Variants in AUTS2 observed in about 807,000 individuals in gnomAD.
The protein encoded by AUTS2 is activator of transcription and developmental regulator AUTS2.
A neutral mutation model predicts 112.4 loss-of-function variants in AUTS2; 17 were observed. The ratio of observed to expected loss-of-function variants is 0.15; its 90% CI spans 0.10 to 0.23. The LOEUF is 0.23. Among genes scored for constraint, AUTS2 ranks in the 10% least tolerant of loss-of-function variants. AUTS2 has a pLI of 1.00. For synonymous variants in AUTS2, 751 were observed against 702.7 expected (o/e 1.07, Z -1.09); for missense variants, 1,510 against 1,701.6 (o/e 0.89, Z 1.98).
intron 5 of AUTS2, among the ~76,000 whole-genome samples, chr7:70,464,559 A>G (rs1481096857): frequency 1.3e-5 from 2 of 152,236 alleles, no homozygotes; most frequent in East Asian, 3.8e-4. Context: ...TCTCACGGCT[A>G]GTACAATTAG....
At chr7:69,952,275 C>A (rs1797056544) in intron 2 of AUTS2, among the ~76,000 whole-genome samples, 1 of 152,012 alleles carries the variant, frequency 6.6e-6, no homozygotes, top group African/African-American at 2.4e-5. Context: ...ATTAAATTAA[C>A]CAAATGAAAG....
intron 1 of AUTS2, among the ~76,000 whole-genome samples, chr7:69,641,916 T>G (rs1336596320): frequency 5.9e-5 from 9 of 152,234 alleles, no homozygotes; most frequent in Admixed American, 5.9e-4. Flanking sequence ...CTTTAAAGTA[T>G]TTGTATCCAT....
intron 4 of AUTS2, among the ~76,000 whole-genome samples, chr7:70,429,016 G>C (rs1795542355): frequency 6.6e-6 from 1 of 152,178 alleles, no homozygotes; most frequent in Non-Finnish European, 1.5e-5. Context: ...CCTTTTAATG[G>C]AAGATATTTT....
chr7:70,163,181 A>G (rs1490297649), intron 4 of AUTS2, among the ~76,000 whole-genome samples: 1 of 151,882 alleles, frequency 6.6e-6, no homozygotes, highest in Non-Finnish European at 1.5e-5. Flanking sequence ...CTGAGGCTGG[A>G]ATGGGACAGC....
intron 6 of AUTS2, among the ~76,000 whole-genome samples, chr7:70,727,205 A>G (rs773249270): frequency 6.6e-6 from 1 of 152,216 alleles, no homozygotes; most frequent in Non-Finnish European, 1.5e-5. Context: ...AATTCCCTCC[A>G]GGCCAGCGTG....
chr7:69,817,278 G>A (rs1172801893), intron 1 of AUTS2, among the ~76,000 whole-genome samples: 1 of 152,200 alleles, frequency 6.6e-6, no homozygotes, highest in East Asian at 1.9e-4. Context: ...CTGTGTTTTC[G>A]ATTGCCAAGA....
At chr7:69,758,622 A>G (rs1041135865) in intron 1 of AUTS2, among the ~76,000 whole-genome samples, 1 of 152,230 alleles carries the variant, frequency 6.6e-6, no homozygotes, top group Non-Finnish European at 1.5e-5. Context: ...TAAACTCTAA[A>G]AAGAGTCTAG....
chr7:69,912,088 G>T (rs1795382889), intron 2 of AUTS2, among the ~76,000 whole-genome samples: 1 of 152,212 alleles, frequency 6.6e-6, no homozygotes. Context: ...TCTGGAGGGG[G>T]TGCTGAGGTG....
intron 2 of AUTS2, among the ~76,000 whole-genome samples, chr7:69,917,289 CTT>C (rs11313164): frequency 5.9e-4 from 79 of 133,228 alleles, no homozygotes; most frequent in Admixed American, 7.5e-4. Context: ...CTTTTTTTTT[CTT>C]TTTTTTTTTT....
At chr7:69,959,730 A>G (rs1186110639) in intron 2 of AUTS2, among the ~76,000 whole-genome samples, 1 of 152,160 alleles carries the variant, frequency 6.6e-6, no homozygotes. Flanking sequence ...CTCTTTTAAA[A>G]TCTGCACACT....
At chr7:70,001,288 T>C (rs570471003) in intron 2 of AUTS2, among the ~76,000 whole-genome samples, 1 of 152,002 alleles carries the variant, frequency 6.6e-6, no homozygotes, top group Non-Finnish European at 1.5e-5. Context: ...ACCACGCCTA[T>C]CTAATTTTTG....
At chr7:69,690,437 G>C (rs1797280666) in intron 1 of AUTS2, among the ~76,000 whole-genome samples, 1 of 152,200 alleles carries the variant, frequency 6.6e-6, no homozygotes, top group Non-Finnish European at 1.5e-5. Context: ...TGGGCAGGCT[G>C]TGCTCAGGTT....
intron 3 of AUTS2, among the ~76,000 whole-genome samples, chr7:70,125,983 A>G (rs1322533479): frequency 6.6e-6 from 1 of 152,200 alleles, no homozygotes; most frequent in African/African-American, 2.4e-5. Context: ...GAGCTTTGGC[A>G]GTTGAGACTT....
At chr7:69,985,654 C>T (rs947336721) in intron 2 of AUTS2, among the ~76,000 whole-genome samples, 4 of 152,162 alleles carry the variant, frequency 2.6e-5, no homozygotes, top group Non-Finnish European at 5.9e-5. Context: ...GTTGCTCTAC[C>T]ACACATCCCC....
chr7:69,643,591 A>G (rs1794890785), intron 1 of AUTS2, among the ~76,000 whole-genome samples: 1 of 152,114 alleles, frequency 6.6e-6, no homozygotes, highest in Non-Finnish European at 1.5e-5. Context: ...GATACTGATG[A>G]GGGCAGGGTT....
At chr7:70,747,988 ATTTTTT>A (rs770222247) in intron 6 of AUTS2, among the ~76,000 whole-genome samples, 8 of 108,516 alleles carry the variant, frequency 7.4e-5, no homozygotes, top group South Asian at 3.1e-4. Context: ...CGCCCAGCCA[ATTTTTT>A]TTTTTTTTTT....
intron 1 of AUTS2, among the ~76,000 whole-genome samples, chr7:69,827,557 C>T (rs2129527123): frequency 6.6e-6 from 1 of 152,308 alleles, no homozygotes; most frequent in South Asian, 2.1e-4. Context: ...TGAAGCTCTT[C>T]TTACTTAAAA....
At chr7:70,585,331 C>G (rs919136217) in intron 5 of AUTS2, among the ~76,000 whole-genome samples, 2 of 152,146 alleles carry the variant, frequency 1.3e-5, no homozygotes, top group African/African-American at 4.8e-5. Context: ...TGTTTTCTTG[C>G]GCTCAGAGCA....
intron 4 of AUTS2, among the ~76,000 whole-genome samples, chr7:70,294,574 C>T (rs950098505): frequency 1.3e-5 from 2 of 152,188 alleles, no homozygotes; most frequent in African/African-American, 4.8e-5. Flanking sequence ...ACAGTAAAAA[C>T]GATAAGCTTC....
Sources: gnomAD v4.1 joint callset for allele counts (sites outside exome capture counted in the v4.1 genomes callset) on GRCh38, gnomAD v4.1.1 for gene constraint, MANE v1.5 for transcripts, NCBI Gene and HGNC (gene_info 2026-07-23, HGNC 2026-07-21) for gene names.